The following CCNB3 variants were observed in gnomAD, a reference collection of about 807,000 sequenced individuals.
CCNB3 encodes the protein G2/mitotic-specific cyclin-B3.
CCNB3 carries 12 observed loss-of-function variants against 68.0 expected under a neutral mutation model. That is an observed-to-expected ratio of 0.18 (90% confidence interval 0.11 to 0.29). The LOEUF (loss-of-function observed/expected upper bound fraction) is 0.29, where lower values mean the gene tolerates loss of function less well. CCNB3 is among the 10% of genes least tolerant of loss of function. The probability of loss-of-function intolerance (pLI) is 1.00; values close to 1 mark genes in which losing one functional copy is unlikely to be tolerated. For synonymous variants in CCNB3, 354 were observed against 388.9 expected, an observed-to-expected ratio of 0.91 and a Z score of 1.06; for missense variants, 904 against 993.1, an observed-to-expected ratio of 0.91 and a Z score of 1.21.
intron 6 of CCNB3, among the ~76,000 whole-genome samples, chrX:50,312,044 C>T (rs1217915948): frequency 1.8e-5 from 2 of 110,089 alleles, no homozygotes; most frequent in Admixed American, 9.9e-5. Context: ...ATAGGAGCAT[C>T]TCCCAAGGAA....
intron 8 of CCNB3, among the ~76,000 whole-genome samples, chrX:50,333,053 C>T (rs998690574): frequency 8.1e-5 from 9 of 111,327 alleles, no homozygotes; most frequent in African/African-American, 2.9e-4. Flanking sequence ...AATCCTGTTT[C>T]CTGACATACT....
chrX:50,347,837 G>C, intron 11 of CCNB3, 62 bp downstream of exon 11: 1 of 1,101,263 alleles, frequency 9.1e-7, no homozygotes, highest in South Asian at 2.2e-5. Flanking sequence ...GTCAGCTCAT[G>C]GGGAAGGTGT....
In CCNB3 at chrX:50,311,803, C is replaced by A. The variant is rs1179008316; in HGVS notation, c.3327+307C>A. On this transcript the variant is annotated intron_variant, in intron 6 of 12. Transcript: ENST00000376042. ...GGGATACATTTCCCAGGTTCTTTGG[C>A]ATTTTTCTCTTAAGTTGGCCTTGTA... Among the ~76,000 whole-genome samples, 7 of 110,598 alleles carry A rather than the reference C, an allele frequency of 6.3e-5. No homozygotes were observed. The East Asian group carries it at 2.0e-3, about 32-fold the overall frequency.
chrX:50,280,413 A>G (rs946426057), intron 1 of CCNB3, among the ~76,000 whole-genome samples: 4 of 108,243 alleles, frequency 3.7e-5, no homozygotes, highest in Non-Finnish European at 7.6e-5. Flanking sequence ...AATGAATGAG[A>G]TATTGAGCTA....
At chrX:50,298,182 G>A (rs1326016815) in intron 5 of CCNB3, among the ~76,000 whole-genome samples, 7 of 111,634 alleles carry the variant, frequency 6.3e-5, no homozygotes, top group African/African-American at 1.6e-4. Context: ...AATAGGAGTG[G>A]TGAGAGAGGG....
chrX:50,317,996 T>A (rs147846681), intron 8 of CCNB3, among the ~76,000 whole-genome samples: 1,230 of 111,215 alleles, frequency 0.011, 16 homozygotes, highest in African/African-American at 0.039. Context: ...CATATGAGTG[T>A]CTAATTGTTC....
intron 1 of CCNB3, among the ~76,000 whole-genome samples, chrX:50,224,781 C>A (rs1935726928): frequency 1.8e-5 from 2 of 111,321 alleles, no homozygotes; most frequent in South Asian, 7.6e-4. Context: ...ATCAAGGAGG[C>A]AGATATGGAG....
intron 5 of CCNB3, among the ~76,000 whole-genome samples, chrX:50,306,102 T>C: frequency 9.1e-6 from 1 of 109,822 alleles, no homozygotes. Context: ...CTTAACAATA[T>C]TAAGTTTTCT....
At chrX:50,219,116 T>C (rs1332801024) in intron 1 of CCNB3, among the ~76,000 whole-genome samples, 1 of 111,966 alleles carries the variant, frequency 8.9e-6, no homozygotes, top group Non-Finnish European at 1.9e-5. Context: ...TTGATGGGGT[T>C]GTTTGTTTTT....
chrX:50,327,881 A>T (rs146679045), intron 8 of CCNB3, among the ~76,000 whole-genome samples: 1 of 111,498 alleles, frequency 9.0e-6, no homozygotes, highest in Admixed American at 9.6e-5. Context: ...TTAATTTAAG[A>T]TATGCAATTA....
chrX:50,336,086 C>T (rs1261753948), intron 8 of CCNB3, among the ~76,000 whole-genome samples: 2 of 111,763 alleles, frequency 1.8e-5, no homozygotes, highest in African/African-American at 6.5e-5. Flanking sequence ...GTAATCCTGA[C>T]CGTGGGCTCC....
intron 1 of CCNB3, among the ~76,000 whole-genome samples, chrX:50,214,252 C>A (rs1248277602): frequency 9.3e-6 from 1 of 107,232 alleles, no homozygotes; most frequent in Non-Finnish European, 1.9e-5. Flanking sequence ...TTTCAAAGAA[C>A]CAGACTTCAT....
At chrX:50,287,316 C>G (rs1332133702) in intron 3 of CCNB3, among the ~76,000 whole-genome samples, 2 of 111,113 alleles carry the variant, frequency 1.8e-5, no homozygotes, top group Admixed American at 9.6e-5. Context: ...GCCCCTTCTG[C>G]TTTAAAATAT....
intron 8 of CCNB3, among the ~76,000 whole-genome samples, chrX:50,330,194 A>G (rs1337750455): frequency 8.9e-6 from 1 of 111,941 alleles, no homozygotes; most frequent in Non-Finnish European, 1.9e-5. Context: ...TTGAGCAAGC[A>G]GTGGGTACAT....
At chrX:50,307,516 G>A (rs73495628) in intron 5 of CCNB3, among the ~76,000 whole-genome samples, 2,586 of 111,176 alleles carry the variant, frequency 0.023, 65 homozygotes, top group African/African-American at 0.081. Context: ...ATCTGGTCAA[G>A]CAGAACCTTT....
At chrX:50,219,937 C>T (rs1181796173) in intron 1 of CCNB3, among the ~76,000 whole-genome samples, 3 of 111,385 alleles carry the variant, frequency 2.7e-5, no homozygotes, top group Non-Finnish European at 3.8e-5. Context: ...TGTGTCCTCT[C>T]TTTTTTCCTT....
intron 1 of CCNB3, among the ~76,000 whole-genome samples, chrX:50,279,413 T>G (rs1231917743): frequency 2.4e-3 from 169 of 71,328 alleles, no homozygotes; most frequent in African/African-American, 8.8e-3. Context: ...TAGAAATATA[T>G]AAATATATAA....
intron 8 of CCNB3, among the ~76,000 whole-genome samples, chrX:50,331,123 C>T (rs367624899): frequency 8.9e-6 from 1 of 111,882 alleles, no homozygotes; most frequent in African/African-American, 3.2e-5. Context: ...TATAGCTATG[C>T]TTCTCTTTTT....
Position 50,351,716 on chromosome X carries a change from G to A in CCNB3, c.*13G>A. The A allele has an allele frequency of 4.4e-6, 5 of 1,146,789 alleles. No individual in the cohort carries two copies. Among genetic ancestry groups the A allele is most frequent in the Non-Finnish European group, 6.0e-6 (5 of 838,947 alleles). The allele number at this position is 1,146,789 out of a possible 1,213,427, so 94.5% of individuals were successfully genotyped here. A position where few individuals can be genotyped will look rare whatever the true frequency, so the allele number is the denominator to read the frequency against. On this transcript the variant is annotated 3_prime_UTR_variant, in exon 13 of 13. Transcript: ENST00000376042. ...CCTGGTACTCTAGCAGCAGCCACAG[G>A]GCTAAGCATGCATGTTAACAGGGTA... is the stretch of plus-strand genomic sequence containing the variant.
Sources: allele counts gnomAD v4.1 joint callset (sites outside exome capture counted in the v4.1 genomes callset), GRCh38; gene constraint gnomAD v4.1.1; transcripts MANE v1.5; gene names NCBI Gene and HGNC (gene_info 2026-07-23, HGNC 2026-07-21).